CTDSPL2: variants seen among roughly 807,000 people sequenced by gnomAD.
The protein encoded by CTDSPL2 is CTD small phosphatase-like protein 2.
A neutral mutation model predicts 60.0 loss-of-function variants in CTDSPL2; 5 were observed. The ratio of observed to expected loss-of-function variants is 0.08; its 90% CI spans 0.04 to 0.18. The LOEUF (loss-of-function observed/expected upper bound fraction) is 0.18, where lower values mean the gene tolerates loss of function less well. Ranked by LOEUF, CTDSPL2 falls within the 10% of genes least tolerant of loss-of-function variation. CTDSPL2 has a pLI of 1.00. For missense variants in CTDSPL2, 370 were observed against 548.8 expected, an observed-to-expected ratio of 0.67 and a Z score of 3.26; for synonymous variants, 186 against 189.3, an observed-to-expected ratio of 0.98 and a Z score of 0.14.
At position 44,496,361 on chromosome 15, in the gene CTDSPL2, C is replaced by T. The variant is rs1456826914; in HGVS notation, c.692-19C>T. On this transcript the variant is annotated intron_variant, in intron 5 of 12. Transcript: ENST00000260327. Reference sequence around the variant, plus strand: ...GCATTAAGTAAAAGCAACATTTTTTCTTTCACTATGTTAAATAGCACCAGT... The same window carrying T: ...GCATTAAGTAAAAGCAACATTTTTTTTTTCACTATGTTAAATAGCACCAGT... 3 of 1,572,758 alleles carry T rather than the reference C, an allele frequency of 1.9e-6. No homozygotes were observed. Among genetic ancestry groups the T allele is most frequent in the Admixed American group, 1.8e-5 (1 of 56,990 alleles).
chr15:44,461,576 T>C (rs1303515567), intron 2 of CTDSPL2, among the ~76,000 whole-genome samples: 1 of 128,536 alleles, frequency 7.8e-6, no homozygotes, highest in African/African-American at 3.3e-5. Context: ...TCTCTCCCTT[T>C]TTTTTTTTTT....
Position 44,525,232 on chromosome 15 carries a change from G to C in CTDSPL2, c.*1058G>C. 1 of 394,718 alleles carries C rather than the reference G, an allele frequency of 2.5e-6. No homozygotes were observed. Among genetic ancestry groups the C allele is most frequent in the Non-Finnish European group, 4.5e-6 (1 of 223,578 alleles). 24.5% of individuals were successfully genotyped at this position (394,718 alleles called of 1,614,324 possible). A position where few individuals can be genotyped will look rare whatever the true frequency, so the allele number is the denominator to read the frequency against. On this transcript the variant is annotated 3_prime_UTR_variant, in exon 13 of 13. Coordinates refer to ENST00000260327, the MANE Select transcript of CTDSPL2 (RefSeq NM_016396.3). ...TCTCAGTTACAATCAATTTAAAACT[G>C]TATAACAGTCTTGGTACCTAACAGT...
At chr15:44,512,778 C>CT (rs1396779644) in intron 8 of CTDSPL2, among the ~76,000 whole-genome samples, 1 of 152,098 alleles carries the variant, frequency 6.6e-6, no homozygotes. Flanking sequence ...ATGTGGTTTA[C>CT]TTTGTTTTTG....
chr15:44,429,272 C>T (rs898776657), intron 1 of CTDSPL2, among the ~76,000 whole-genome samples: 1 of 152,106 alleles, frequency 6.6e-6, no homozygotes, highest in Non-Finnish European at 1.5e-5. Flanking sequence ...TTCATACTTT[C>T]CTAAGGCGAA....
At chr15:44,455,888 C>T (rs1445168957) in intron 1 of CTDSPL2, among the ~76,000 whole-genome samples, 28 of 119,732 alleles carry the variant, frequency 2.3e-4, no homozygotes, top group Admixed American at 9.6e-4. Flanking sequence ...GTCTCGCTGT[C>T]GCCCAGGCTG....
intron 5 of CTDSPL2, among the ~76,000 whole-genome samples, chr15:44,494,836 AACC>A (rs2081270941): frequency 6.7e-6 from 1 of 150,146 alleles, no homozygotes; most frequent in Non-Finnish European, 1.5e-5. Flanking sequence ...GATTTGCTTG[AACC>A]GGTGAGGCGG....
intron 10 of CTDSPL2, chr15:44,517,490 AAAG>A (rs1372778018): frequency 7.9e-5 from 12 of 152,094 alleles, no homozygotes; most frequent in East Asian, 5.8e-4. Flanking sequence ...AAAAAAAAAA[AAAG>A]AAGAAAAAAA....
At chr15:44,471,515 A>G (rs1248352964) in intron 2 of CTDSPL2, among the ~76,000 whole-genome samples, 1 of 152,184 alleles carries the variant, frequency 6.6e-6, no homozygotes, top group East Asian at 1.9e-4. Flanking sequence ...ACCATCATCA[A>G]GGCCATCAAC....
At chr15:44,450,267 A>C (rs961002428) in intron 1 of CTDSPL2, among the ~76,000 whole-genome samples, 3 of 152,098 alleles carry the variant, frequency 2.0e-5, no homozygotes, top group African/African-American at 7.2e-5. Flanking sequence ...TTAAATATTA[A>C]AAATAAATTC....
At chr15:44,497,275 A>G (rs2140824602) in intron 7 of CTDSPL2, 137 bp downstream of exon 7, 2 of 525,014 alleles carry the variant, frequency 3.8e-6, no homozygotes, top group African/African-American at 1.9e-5. Flanking sequence ...GGTCAACTTA[A>G]TTAACCATAT....
intron 2 of CTDSPL2, among the ~76,000 whole-genome samples, chr15:44,478,659 A>G (rs2080968304): frequency 6.6e-6 from 1 of 151,780 alleles, no homozygotes; most frequent in South Asian, 2.1e-4. Context: ...TGATAATATA[A>G]TTTTTTTTAA....
intron 2 of CTDSPL2, among the ~76,000 whole-genome samples, chr15:44,462,614 C>G (rs1292601460): frequency 6.6e-6 from 1 of 151,414 alleles, no homozygotes; most frequent in Non-Finnish European, 1.5e-5. Context: ...TCACCTCCTT[C>G]TCTGTGGCCT....
intron 1 of CTDSPL2, among the ~76,000 whole-genome samples, chr15:44,456,217 T>C (rs1567069186): frequency 6.6e-6 from 1 of 152,178 alleles, no homozygotes; most frequent in African/African-American, 2.4e-5. Context: ...TTTTGTTGTG[T>C]CTCCGCCAGG....
intron 8 of CTDSPL2, among the ~76,000 whole-genome samples, chr15:44,501,473 G>A (rs1353688996): frequency 6.6e-6 from 1 of 151,880 alleles, no homozygotes; most frequent in Non-Finnish European, 1.5e-5. Context: ...TACCATTTCT[G>A]CTTTAACTCT....
intron 10 of CTDSPL2, among the ~76,000 whole-genome samples, chr15:44,518,420 T>C (rs919447825): frequency 6.6e-6 from 1 of 152,224 alleles, no homozygotes; most frequent in East Asian, 1.9e-4. Flanking sequence ...GAGTGAAATA[T>C]CAGTTTACAT....
At chr15:44,457,769 G>A (rs892470637) in intron 1 of CTDSPL2, among the ~76,000 whole-genome samples, 4 of 152,018 alleles carry the variant, frequency 2.6e-5, no homozygotes, top group Non-Finnish European at 4.4e-5. Flanking sequence ...CTGCCACCAC[G>A]CCCACCTAAT....
intron 3 of CTDSPL2, among the ~76,000 whole-genome samples, chr15:44,485,873 A>G (rs2081110087): frequency 6.6e-6 from 1 of 152,244 alleles, no homozygotes; most frequent in Admixed American, 6.5e-5. Context: ...TAAAAGAACC[A>G]TAGCAAAGAA....
At chr15:44,457,370 G>C (rs1484646831) in intron 1 of CTDSPL2, among the ~76,000 whole-genome samples, 1 of 152,134 alleles carries the variant, frequency 6.6e-6, no homozygotes, top group Admixed American at 6.6e-5. Flanking sequence ...ACCTCACCTT[G>C]CACATCTATA....
chr15:44,472,783 C>T (rs1399255285), intron 2 of CTDSPL2, among the ~76,000 whole-genome samples: 3 of 152,220 alleles, frequency 2.0e-5, no homozygotes, highest in African/African-American at 7.2e-5. Context: ...CCTGCCTCAG[C>T]CCCCTGAGTA....
Sources: gnomAD v4.1 joint callset for allele counts (sites outside exome capture counted in the v4.1 genomes callset) on GRCh38, gnomAD v4.1.1 for gene constraint, MANE v1.5 for transcripts, NCBI Gene and HGNC (gene_info 2026-07-23, HGNC 2026-07-21) for gene names.